Variants in SNAPC2 observed in about 807,000 individuals in gnomAD.
The protein encoded by SNAPC2 is small nuclear RNA activating complex polypeptide 2.
In SNAPC2, 27 loss-of-function variants were observed where a neutral mutation model predicts 22.9. The ratio of observed to expected loss-of-function variants is 1.18; its 90% CI spans 0.87 to 1.63. The LOEUF is 1.63. SNAPC2 is among the 40% of genes most tolerant of loss of function. SNAPC2 has a pLI of 0.00. For missense variants in SNAPC2, 570 were observed against 449.1 expected (o/e 1.27, Z -2.43); for synonymous variants, 272 against 201.0 (o/e 1.35, Z -2.99).
chr19:7,922,164 C>G lies in SNAPC2; in HGVS notation c.502C>G (p.Pro168Ala), dbSNP rs151120769. ...ACAGGAAGACCCCGCCCCTGAAATACCTAGCTCTGCCCCTGCTGCACCTAG... is the reference window on the plus strand; with the variant it reads ...ACAGGAAGACCCCGCCCCTGAAATAGCTAGCTCTGCCCCTGCTGCACCTAG... Reference protein sequence around the residue: ...GGQEDPAPEIPSSAPAAPSSA... With the variant: ...GGQEDPAPEIASSAPAAPSSA... Residue 168 changes from proline (P) to alanine (A), a missense_variant, in exon 4 of 5, where the codon CCT becomes GCT. Transcript: ENST00000221573. 34 of 1,613,988 alleles carry G rather than the reference C, an allele frequency of 2.1e-5. No individual in the cohort carries two copies. Among genetic ancestry groups the G allele is most frequent in the Non-Finnish European group, 2.9e-5 (34 of 1,180,038 alleles).
intron 1 of SNAPC2, 165 bp downstream of exon 1, chr19:7,920,714 C>CG (rs1222234006): frequency 2.3e-5 from 1 of 43,886 alleles, no homozygotes; most frequent in African/African-American, 1.2e-4. Context: ...TGAGCCTGGG[C>CG]GGGGTGAGGG....
At chr19:7,921,334 C>A in intron 1 of SNAPC2, 89 bp from the exon 2 acceptor site, 5 of 1,593,196 alleles carry the variant, frequency 3.1e-6, no homozygotes, top group Non-Finnish European at 4.3e-6. Context: ...AGTAGCGGGG[C>A]CCAGAGCATA....
Position 7,920,387 on chromosome 19 carries a change from G to A in SNAPC2, c.21G>A (p.Arg7=). MKPPPR[R]RAAPARYLGE... is the part of the protein sequence containing the mutation. The stretch of plus-strand genomic sequence containing the variant: ...GCGGCATGAAGCCACCTCCCAGGCG[G>A]CGAGCGGCCCCGGCGCGCTATCTGG... The change falls in exon 1 of 5, where the codon CGG becomes CGA. Residue 7 remains arginine (R), a synonymous_variant. Coordinates refer to ENST00000221573, the MANE Select transcript of SNAPC2 (RefSeq NM_003083.4). 6.3e-7 allele frequency: 1 copy of A among 1,579,742 alleles called. No homozygotes were observed. The highest frequency in any genetic ancestry group is 2.4e-5 in the East Asian group (1 of 41,716).
rs937023641 is a variant in SNAPC2 at position 7,920,363 on chromosome 19, C to A, written c.-4C>A. The A allele has an allele frequency of 1.3e-6, 2 of 1,566,718 alleles. No individual in the cohort carries two copies. The highest frequency in any genetic ancestry group is 1.8e-5 in the Admixed American group (1 of 56,338). ...CTTACAGCGCCTGCCTCTTTCTGAG[C>A]GGCATGAAGCCACCTCCCAGGCGGC... On this transcript the variant is annotated 5_prime_UTR_variant, in exon 1 of 5. Coordinates refer to ENST00000221573, the MANE Select transcript of SNAPC2 (RefSeq NM_003083.4).
In SNAPC2 at chr19:7,920,402, G is replaced by A. The variant is rs766336350; in HGVS notation, c.36G>A (p.Ala12=). ...KPPPRRRAAP[A]RYLGEVTGPA... is the part of the protein sequence containing the mutation. ...CTCCCAGGCGGCGAGCGGCCCCGGC[G>A]CGCTATCTGGGCGAGGTGACCGGTC... is the stretch of plus-strand genomic sequence containing the variant. Residue 12 remains alanine (A), a synonymous_variant, in exon 1 of 5, where the codon GCG becomes GCA. Coordinates refer to ENST00000221573, the MANE Select transcript of SNAPC2 (RefSeq NM_003083.4). 8.2e-6 allele frequency: 13 copies of A among 1,582,388 alleles called. No individual in the cohort carries two copies. The South Asian group carries it at 1.3e-4, about 16-fold the overall frequency.
chr19:7,920,649 G>T, intron 1 of SNAPC2, 100 bp downstream of exon 1: 1 of 702,112 alleles, frequency 1.4e-6, no homozygotes, highest in Non-Finnish European at 2.1e-6. Flanking sequence ...GGCGGGGCCA[G>T]GAATGTAAGC....
At position 7,922,865 on chromosome 19, in the gene SNAPC2, G is replaced by A; in HGVS notation, c.*101G>A. 2.1e-6 allele frequency: 2 copies of A among 953,248 alleles called. No homozygotes were observed. Among genetic ancestry groups the A allele is most frequent in the South Asian group, 1.7e-5 (1 of 60,354 alleles). 59.0% of individuals were successfully genotyped at this position (953,248 alleles called of 1,614,324 possible). A position where few individuals can be genotyped will look rare whatever the true frequency, so the allele number is the denominator to read the frequency against. ...TCTGAGGATCCCGTCATGGGGGAAG[G>A]TCCTTGAGATGATGCTCAGCTGTGG... is the stretch of plus-strand genomic sequence containing the variant. On this transcript the variant is annotated 3_prime_UTR_variant, in exon 5 of 5. Coordinates refer to ENST00000221573, the MANE Select transcript of SNAPC2 (RefSeq NM_003083.4).
rs780862302 is a variant in SNAPC2 at position 7,921,707 on chromosome 19, C to G, written c.306C>G (p.Val102=). The part of the protein sequence containing the change: ...REAQPPAPIE[V]WTDLAEKITG... ...CCTGTACCTCTGGCTTCACTCAGGT[C>G]TGGACGGATCTGGCTGAGAAGATAA... Residue 102 remains valine (V), a splice_region_variant and synonymous_variant, in exon 3 of 5, where the codon GTC becomes GTG. Coordinates refer to ENST00000221573, the MANE Select transcript of SNAPC2 (RefSeq NM_003083.4). The G allele has an allele frequency of 1.2e-6, 2 of 1,613,698 alleles. No individual in the cohort carries two copies. Among genetic ancestry groups the G allele is most frequent in the Non-Finnish European group, 1.7e-6 (2 of 1,179,832 alleles).
At position 7,922,813 on chromosome 19, in the gene SNAPC2, G is replaced by C; in HGVS notation, c.*49G>C. Reference sequence around the variant, plus strand: ...CACCAGGCCCCCCGCCCTGCCCCTCGGTTCTGCTCGGCTGGCCCTGGCTCT... The same window carrying C: ...CACCAGGCCCCCCGCCCTGCCCCTCCGTTCTGCTCGGCTGGCCCTGGCTCT... On this transcript the variant is annotated 3_prime_UTR_variant, in exon 5 of 5. Transcript: ENST00000221573. The C allele has an allele frequency of 2.1e-6, 3 of 1,404,126 alleles. No individual in the cohort carries two copies. The highest frequency in any genetic ancestry group is 2.9e-6 in the Non-Finnish European group (3 of 1,036,518). 87.0% of individuals were successfully genotyped at this position (1,404,126 alleles called of 1,614,324 possible). A position where few individuals can be genotyped will look rare whatever the true frequency, so the allele number is the denominator to read the frequency against.
chr19:7,920,907 C>T (rs1289374332), intron 1 of SNAPC2: 4 of 834,854 alleles, frequency 4.8e-6, no homozygotes, highest in Admixed American at 2.0e-4. Flanking sequence ...GGGGCGTGGG[C>T]GGGTTAATAG....
In SNAPC2 at chr19:7,921,713, G is replaced by T. The variant is rs1055014035; in HGVS notation, c.312G>T (p.Thr104=). The change falls in exon 3 of 5, where the codon ACG becomes ACT. Residue 104 remains threonine (T), a synonymous_variant. Coordinates refer to ENST00000221573, the MANE Select transcript of SNAPC2 (RefSeq NM_003083.4). ...CCTCTGGCTTCACTCAGGTCTGGACGGATCTGGCTGAGAAGATAACAGGGC... is the reference window on the plus strand; with the variant it reads ...CCTCTGGCTTCACTCAGGTCTGGACTGATCTGGCTGAGAAGATAACAGGGC... ...AQPPAPIEVW[T]DLAEKITGPL... The T allele has an allele frequency of 6.2e-7, 1 of 1,613,706 alleles. No individual in the cohort carries two copies. Among genetic ancestry groups the T allele is most frequent in the Non-Finnish European group, 8.5e-7 (1 of 1,179,826 alleles).
At chr19:7,921,818 G>A (rs1179823864) in intron 3 of SNAPC2, 45 bp downstream of exon 3, 1 of 1,581,852 alleles carries the variant, frequency 6.3e-7, no homozygotes. Context: ...CAGAGGACAG[G>A]GTCACATGGG....
chr19:7,920,494 C>T lies in SNAPC2; in HGVS notation c.128C>T (p.Pro43Leu). 4.0e-6 allele frequency: 6 copies of T among 1,502,166 alleles called. No individual in the cohort carries two copies. Among genetic ancestry groups the T allele is most frequent in the Non-Finnish European group, 5.3e-6 (6 of 1,133,730 alleles). 93.1% of individuals were successfully genotyped at this position (1,502,166 alleles called of 1,614,324 possible). The change falls in exon 1 of 5, where the codon CCG (proline) becomes CTG (leucine). Residue 43 changes from proline to leucine, a missense_variant. Coordinates refer to ENST00000221573, the MANE Select transcript of SNAPC2 (RefSeq NM_003083.4). ...CTCCTGCAGGCGCGGCAGGGCCAGC[C>T]GGAGCCGGACGCCACCGAGCTGGCC... Reference protein sequence around the residue: ...VRLLQARQGQPEPDATELARE... With the variant: ...VRLLQARQGQLEPDATELARE...
rs111354951 is a variant in SNAPC2 at position 7,921,173 on chromosome 19, T to C, written c.184-250T>C. 5.5e-3 allele frequency: 7,757 copies of C among 1,413,438 alleles called. 332 individuals are homozygous for C. In the African/African-American group the frequency reaches 0.097, roughly 18 times the overall value. The allele number at this position is 1,413,438 out of a possible 1,614,324, so 87.6% of individuals were successfully genotyped here. A position where few individuals can be genotyped will look rare whatever the true frequency, so the allele number is the denominator to read the frequency against. ...AGAAGGGAGTTGAACGGGGTAGTAG[T>C]CAGCATAGGGTTGGGCCCTGGCTGC... On this transcript the variant is annotated intron_variant, in intron 1 of 4. Coordinates refer to ENST00000221573, the MANE Select transcript of SNAPC2 (RefSeq NM_003083.4).
Position 7,920,404 on chromosome 19 carries a change from G to T in SNAPC2, c.38G>T (p.Arg13Leu), listed in dbSNP as rs764038287. The stretch of plus-strand genomic sequence containing the variant: ...CCCAGGCGGCGAGCGGCCCCGGCGC[G>T]CTATCTGGGCGAGGTGACCGGTCCC... ...PPPRRRAAPA[R>L]YLGEVTGPAT... The change falls in exon 1 of 5, where the codon CGC becomes CTC. Residue 13 changes from arginine (R) to leucine (L), a missense_variant. Coordinates refer to ENST00000221573, the MANE Select transcript of SNAPC2 (RefSeq NM_003083.4). 1 of 1,581,922 alleles carries T rather than the reference G, an allele frequency of 6.3e-7. No homozygotes were observed. Among genetic ancestry groups the T allele is most frequent in the Non-Finnish European group, 8.5e-7 (1 of 1,171,958 alleles).
intron 1 of SNAPC2, chr19:7,921,113 G>T (rs1983555412): frequency 1.5e-6 from 2 of 1,304,250 alleles, no homozygotes; most frequent in African/African-American, 3.0e-5. Flanking sequence ...CAGGATACGA[G>T]CTTGAAGTGA....
rs1983570419 is a variant in SNAPC2, at chr19:7,921,494, C to G, written c.255C>G (p.Gly85=). 6.2e-7 allele frequency: 1 copy of G among 1,613,762 alleles called. No homozygotes were observed. Among genetic ancestry groups the G allele is most frequent in the Non-Finnish European group, 8.5e-7 (1 of 1,179,838 alleles). The change falls in exon 2 of 5, where the codon GGC becomes GGG. Residue 85 remains glycine, a synonymous_variant. Transcript: ENST00000221573. ...CCATTCAGAAAGTGCATCCGGGTGGCCTTCAGGGACCAAGGCGCCGGGAGG... is the reference window on the plus strand; with the variant it reads ...CCATTCAGAAAGTGCATCCGGGTGGGCTTCAGGGACCAAGGCGCCGGGAGG... The part of the protein sequence containing the change: ...REAIQKVHPG[G]LQGPRRREAQ...
In SNAPC2 at chr19:7,922,798, C is replaced by T. The variant is rs767508483; in HGVS notation, c.*34C>T. On this transcript the variant is annotated 3_prime_UTR_variant, in exon 5 of 5. Transcript: ENST00000221573. ...GCGGGCAGGAGGCCACACCAGGCCC[C>T]CCGCCCTGCCCCTCGGTTCTGCTCG... The T allele has an allele frequency of 6.8e-7, 1 of 1,478,258 alleles. No individual in the cohort carries two copies. Among genetic ancestry groups the T allele is most frequent in the East Asian group, 2.3e-5 (1 of 43,784 alleles). The allele number at this position is 1,478,258 out of a possible 1,614,324, so 91.6% of individuals were successfully genotyped here. A position where few individuals can be genotyped will look rare whatever the true frequency, so the allele number is the denominator to read the frequency against.
chr19:7,920,677 G>T lies in SNAPC2; in HGVS notation c.183+128G>T. On this transcript the variant is annotated intron_variant, in intron 1 of 4. Coordinates refer to ENST00000221573, the MANE Select transcript of SNAPC2 (RefSeq NM_003083.4). ...ATGTAAGCGAGCGGGGGCGTGGCGT[G>T]GGGCTGAGTGGCGGGGCGTTAGTGG... The T allele has an allele frequency of 8.4e-6, 5 of 597,684 alleles. No individual in the cohort carries two copies. In the South Asian group the frequency reaches 1.3e-4, roughly 15 times the overall value. The allele number at this position is 597,684 out of a possible 1,614,324, so 37.0% of individuals were successfully genotyped here.
Sources: gnomAD v4.1 joint callset for allele counts on GRCh38, gnomAD v4.1.1 for gene constraint, MANE v1.5 for transcripts, NCBI Gene and HGNC (gene_info 2026-07-23, HGNC 2026-07-21) for gene names.